Variants in FBXO43 observed in about 807,000 individuals in gnomAD.
FBXO43 encodes the protein F-box only protein 43.
Under a neutral mutation model 56.7 loss-of-function variants are expected in FBXO43, and 22 were observed. The observed-to-expected ratio is 0.39, with a 90% CI of 0.28 to 0.55. The LOEUF (loss-of-function observed/expected upper bound fraction) is 0.55, where lower values mean the gene tolerates loss of function less well. FBXO43 is among the 20% of genes least tolerant of loss of function. The pLI is 0.66. For missense variants in FBXO43, 733 were observed against 814.9 expected, an observed-to-expected ratio of 0.90 and a Z score of 1.22; for synonymous variants, 306 against 294.5, an observed-to-expected ratio of 1.04 and a Z score of -0.40.
At chr8:100,134,425 C>CTGCACTTCTCT in intron 3 of FBXO43, 61 bp from the exon 4 acceptor site, 2 of 1,376,542 alleles carry the variant, frequency 1.5e-6, no homozygotes, top group Non-Finnish European at 2.1e-6. Context: ...GGATAGCTTT[C>CTGCACTTCTCT]TGATGCACAC....
At chr8:100,142,422 G>A (rs2132139334) in intron 1 of FBXO43, among the ~76,000 whole-genome samples, 1 of 152,186 alleles carries the variant, frequency 6.6e-6, no homozygotes, top group South Asian at 2.1e-4. Flanking sequence ...CATAGGCTAA[G>A]CATCATGCAC....
chr8:100,135,072 C>A (rs1260991551), intron 3 of FBXO43, among the ~76,000 whole-genome samples: 1 of 152,130 alleles, frequency 6.6e-6, no homozygotes, highest in Admixed American at 6.6e-5. Flanking sequence ...CAATTATTAA[C>A]TGGAGGGAAA....
chr8:100,140,150 A>C (rs898834616), intron 2 of FBXO43, among the ~76,000 whole-genome samples: 4 of 152,220 alleles, frequency 2.6e-5, no homozygotes, highest in Non-Finnish European at 5.9e-5. Flanking sequence ...AAAAAAGACT[A>C]TATTATTGCT....
chr8:100,135,408 G>T (rs905308283), intron 3 of FBXO43, among the ~76,000 whole-genome samples: 3 of 152,098 alleles, frequency 2.0e-5, no homozygotes. Flanking sequence ...TTGTCTTGAT[G>T]GATCAAGAAT....
chr8:100,145,986 C>G (rs983154985), upstream of FBXO43, among the ~76,000 whole-genome samples: 5 of 152,224 alleles, frequency 3.3e-5, no homozygotes, highest in African/African-American at 1.2e-4. Context: ...CGTCCCGAGG[C>G]GGGTCAGAAA....
At chr8:100,137,203 C>G (rs1458633377) in intron 3 of FBXO43, 2 of 165,976 alleles carry the variant, frequency 1.2e-5, no homozygotes, top group East Asian at 1.9e-4. Context: ...GGACTACAGG[C>G]GCCTGCCACC....
At chr8:100,143,246 A>G (rs972537903) in intron 1 of FBXO43, among the ~76,000 whole-genome samples, 1 of 152,208 alleles carries the variant, frequency 6.6e-6, no homozygotes, top group Non-Finnish European at 1.5e-5. Flanking sequence ...CATTCCTTCA[A>G]AGTTTTCTCC....
intron 3 of FBXO43, among the ~76,000 whole-genome samples, chr8:100,135,546 G>T (rs2132120051): frequency 6.6e-6 from 1 of 151,662 alleles, no homozygotes; most frequent in Non-Finnish European, 1.5e-5. Context: ...AGAAAGGGGG[G>T]AAAAGTACAG....
At position 100,139,807 on chromosome 8, in the gene FBXO43, G is replaced by A. The variant is rs1280826615; in HGVS notation, c.1571+876C>T. Among the ~76,000 whole-genome samples, 6 of 152,282 alleles carry A rather than the reference G, an allele frequency of 3.9e-5. No individual in the cohort carries two copies. The East Asian group carries it at 1.2e-3, about 29-fold the overall frequency. On this transcript the variant is annotated intron_variant, in intron 2 of 4. Coordinates refer to ENST00000428847, the MANE Select transcript of FBXO43 (RefSeq NM_001029860.4). ...TTCCCCAAAGTAATTAACTTTCACT[G>A]CTGTGTTAACAATAAAAATGAAATA...
In FBXO43 at chr8:100,135,274, A is replaced by G. The variant is rs1021087868; in HGVS notation, c.1675-910T>C. The stretch of plus-strand genomic sequence containing the variant: ...TCAGAGAGAGAGGGGTTATGTAGGT[A>G]GTGGCAGTAGTAGTGAGAGGTTAGA... On this transcript the variant is annotated intron_variant, in intron 3 of 4. Transcript: ENST00000428847. 2.0e-5 allele frequency among the ~76,000 whole-genome samples: 3 copies of G among 152,194 alleles called. No homozygotes were observed. The East Asian group carries it at 5.8e-4, about 29-fold the overall frequency.
In FBXO43 at chr8:100,140,779, A is replaced by C. The variant is rs780135201; in HGVS notation, c.1475T>G (p.Ile492Arg). ...LAGLIGKKMG[I>R]EKLDILTELK... ...TTCTGTTAAGATGTCCAGTTTTTCTATACCCATTTTCTTGCCGATCAGTCC... is the reference window on the plus strand; with the variant it reads ...TTCTGTTAAGATGTCCAGTTTTTCTCTACCCATTTTCTTGCCGATCAGTCC... Residue 492 changes from isoleucine to arginine, a missense_variant, in exon 2 of 5, where the codon ATA becomes AGA. By Grantham distance (97) the Ile-to-Arg change is moderately conservative. Coordinates refer to ENST00000428847, the MANE Select transcript of FBXO43 (RefSeq NM_001029860.4). 6.2e-6 allele frequency: 10 copies of C among 1,613,884 alleles called. No individual in the cohort carries two copies. The South Asian group carries it at 1.1e-4, about 18-fold the overall frequency.
At chr8:100,145,936 G>C (rs1796196254), upstream of FBXO43, 2 of 152,672 alleles carry the variant, frequency 1.3e-5, no homozygotes, top group South Asian at 4.1e-4. Context: ...GTCCTCGCTT[G>C]AGCGGGAGGA....
chr8:100,150,359 A>C (rs1433762187), upstream of FBXO43, among the ~76,000 whole-genome samples: 1 of 152,194 alleles, frequency 6.6e-6, no homozygotes, highest in Admixed American at 6.5e-5. Flanking sequence ...TTTTTCTTCT[A>C]ACCCTCTACC....
Position 100,140,919 on chromosome 8 carries a change from C to G in FBXO43, c.1335G>C (p.Leu445Phe). 1 of 1,614,170 alleles carries G rather than the reference C, an allele frequency of 6.2e-7. No individual in the cohort carries two copies. Among genetic ancestry groups the G allele is most frequent in the Non-Finnish European group, 8.5e-7 (1 of 1,180,034 alleles). The change falls in exon 2 of 5, where the codon TTG becomes TTC. Residue 445 changes from leucine to phenylalanine, a missense_variant. Transcript: ENST00000428847. The part of the protein sequence containing the change: ...KNLSKTPALQ[L>F]VHELFMKSKR... ...TGCTTTTCATGAACAGCTCATGTAC[C>G]AATTGCAAGGCTGGGGTCTTTGATA... is the stretch of plus-strand genomic sequence containing the variant.
Position 100,141,002 on chromosome 8 carries a change from A to G in FBXO43, c.1252T>C (p.Ser418Pro), listed in dbSNP as rs369585651. The change falls in exon 2 of 5, where the codon TCA becomes CCA. Residue 418 changes from serine (S) to proline (P), a missense_variant. Coordinates refer to ENST00000428847, the MANE Select transcript of FBXO43 (RefSeq NM_001029860.4). ...TCATCACTACTCAGCTGACCCTCTG[A>G]GATGGCAGAAGCAGCTGCTGCTCTT... is the stretch of plus-strand genomic sequence containing the variant. ...EKRAAAASAI[S>P]EGQLSSDESG... The G allele has an allele frequency of 8.7e-6, 14 of 1,614,106 alleles. No individual in the cohort carries two copies. In the African/African-American group the frequency reaches 1.9e-4, roughly 22 times the overall value.
At chr8:100,138,088 G>GCAC (rs1282746734) in intron 2 of FBXO43, among the ~76,000 whole-genome samples, 1 of 152,128 alleles carries the variant, frequency 6.6e-6, no homozygotes, top group Non-Finnish European at 1.5e-5. Context: ...ATAAACACAA[G>GCAC]CACAATTAAT....
chr8:100,148,244 A>AT (rs1814865360), upstream of FBXO43, among the ~76,000 whole-genome samples: 6 of 59,632 alleles, frequency 1.0e-4, no homozygotes, highest in Admixed American at 1.3e-3. Context: ...GTGAAAGACT[A>AT]TATCATATCT....
Position 100,141,544 on chromosome 8 carries a change from T to A in FBXO43, c.710A>T (p.Asp237Val), listed in dbSNP as rs1182874477. The part of the protein sequence containing the change: ...FSQQKTSTID[D>V]SKDDCSLFEV... The stretch of plus-strand genomic sequence containing the variant: ...AAATAGGCTACAATCATCTTTGGAA[T>A]CATCAATTGTGGAAGTCTTTTGCTG... Residue 237 changes from aspartate (D) to valine (V), a missense_variant, in exon 2 of 5, where the codon GAT (aspartate) becomes GTT (valine). Physicochemically the swap from Asp to Val is radical, Grantham distance 152 (BLOSUM62 -3). Coordinates refer to ENST00000428847, the MANE Select transcript of FBXO43 (RefSeq NM_001029860.4). 1.9e-6 allele frequency: 3 copies of A among 1,611,728 alleles called. No homozygotes were observed. Among genetic ancestry groups the A allele is most frequent in the African/African-American group, 2.7e-5 (2 of 74,930 alleles).
intron 3 of FBXO43, among the ~76,000 whole-genome samples, chr8:100,135,227 A>C (rs1380714237): frequency 6.6e-6 from 1 of 151,678 alleles, no homozygotes; most frequent in Non-Finnish European, 1.5e-5. Context: ...TAGTCATAAG[A>C]TAGGAGAAGA....
Sources: allele counts gnomAD v4.1 joint callset (sites outside exome capture counted in the v4.1 genomes callset), GRCh38; gene constraint gnomAD v4.1.1; transcripts MANE v1.5; gene names NCBI Gene and HGNC (gene_info 2026-07-23, HGNC 2026-07-21).